CNTNAP2: variants seen among roughly 807,000 people sequenced by gnomAD.
CNTNAP2 encodes contactin associated protein 2.
Under a neutral mutation model 155.2 loss-of-function variants are expected in CNTNAP2, and 98 were observed. The ratio of observed to expected loss-of-function variants is 0.63; its 90% CI spans 0.54 to 0.75. The LOEUF is 0.75. Among genes scored for constraint, CNTNAP2 ranks in the 30% least tolerant of loss-of-function variants. The pLI, the probability that CNTNAP2 is intolerant of heterozygous loss-of-function variation, is 0.00. For synonymous variants in CNTNAP2, 651 were observed against 631.2 expected, an observed-to-expected ratio of 1.03 and a Z score of -0.47; for missense variants, 1,727 against 1,688.1, an observed-to-expected ratio of 1.02 and a Z score of -0.40.
intron 8 of CNTNAP2, among the ~76,000 whole-genome samples, chr7:147,241,843 T>C (rs1386341936): frequency 6.6e-6 from 1 of 152,074 alleles, no homozygotes; most frequent in African/African-American, 2.4e-5. Flanking sequence ...AGATAACAAA[T>C]GATGTTTTAG....
intron 1 of CNTNAP2, among the ~76,000 whole-genome samples, chr7:146,510,316 C>T (rs1006666461): frequency 1.3e-4 from 20 of 152,198 alleles, no homozygotes; most frequent in African/African-American, 3.4e-4. Flanking sequence ...CCTGCTGTGT[C>T]GTGCTGTACT....
chr7:148,332,855 T>G (rs1452371583), intron 21 of CNTNAP2, among the ~76,000 whole-genome samples: 6 of 152,108 alleles, frequency 3.9e-5, no homozygotes, highest in African/African-American at 1.4e-4. Flanking sequence ...ATGTAATCAT[T>G]TTACTATAAA....
intron 8 of CNTNAP2, among the ~76,000 whole-genome samples, chr7:147,192,536 T>C (rs1802701596): frequency 6.6e-6 from 1 of 152,088 alleles, no homozygotes; most frequent in South Asian, 2.1e-4. Flanking sequence ...CAGTCCAGTA[T>C]TCTGTGTTTT....
chr7:146,242,973 A>G (rs1246131989), intron 1 of CNTNAP2, among the ~76,000 whole-genome samples: 1 of 152,100 alleles, frequency 6.6e-6, no homozygotes, highest in Admixed American at 6.5e-5. Flanking sequence ...CTATTTAACA[A>G]TTTTGTGCTC....
chr7:147,022,735 A>G (rs1457488659), intron 3 of CNTNAP2, among the ~76,000 whole-genome samples: 1 of 152,144 alleles, frequency 6.6e-6, no homozygotes, highest in African/African-American at 2.4e-5. Flanking sequence ...AAATATTTAA[A>G]CTACTTTTAT....
At chr7:147,313,638 C>T (rs1353968638) in intron 9 of CNTNAP2, among the ~76,000 whole-genome samples, 4 of 151,718 alleles carry the variant, frequency 2.6e-5, no homozygotes, top group African/African-American at 9.7e-5. Flanking sequence ...GTTTTGGTAC[C>T]ATTACCATGC....
chr7:146,309,697 A>G (rs1160118517), intron 1 of CNTNAP2, among the ~76,000 whole-genome samples: 1 of 151,928 alleles, frequency 6.6e-6, no homozygotes, highest in Non-Finnish European at 1.5e-5. Flanking sequence ...AGCTACTCGG[A>G]GGATGAGGCA....
chr7:147,171,332 G>C (rs1802222183), intron 8 of CNTNAP2, among the ~76,000 whole-genome samples: 1 of 152,142 alleles, frequency 6.6e-6, no homozygotes, highest in South Asian at 2.1e-4. Flanking sequence ...AAATTACAGT[G>C]GTTTAGAGGT....
intron 21 of CNTNAP2, among the ~76,000 whole-genome samples, chr7:148,335,262 C>T (rs1798098612): frequency 6.6e-6 from 1 of 152,168 alleles, no homozygotes; most frequent in Non-Finnish European, 1.5e-5. Context: ...AATACCTCAA[C>T]TCATAAAGGG....
intron 1 of CNTNAP2, among the ~76,000 whole-genome samples, chr7:146,150,305 G>A (rs1460308452): frequency 1.3e-5 from 2 of 152,048 alleles, no homozygotes; most frequent in Non-Finnish European, 2.9e-5. Flanking sequence ...CTGCTGGTTG[G>A]AATGAAAAAT....
At chr7:147,856,162 T>A (rs932242706) in intron 13 of CNTNAP2, among the ~76,000 whole-genome samples, 1 of 151,928 alleles carries the variant, frequency 6.6e-6, no homozygotes, top group Middle Eastern at 3.4e-3. Context: ...CCCTGCTGCC[T>A]CCTGGAGCCC....
At chr7:146,819,235 A>G (rs1375996263) in intron 2 of CNTNAP2, among the ~76,000 whole-genome samples, 1 of 152,194 alleles carries the variant, frequency 6.6e-6, no homozygotes. Context: ...ATATTGGTGC[A>G]CATTATTTCC....
At chr7:146,777,595 G>A (rs1802412677) in intron 2 of CNTNAP2, among the ~76,000 whole-genome samples, 1 of 150,336 alleles carries the variant, frequency 6.7e-6, no homozygotes, top group African/African-American at 2.5e-5. Context: ...ACAGGGTCTT[G>A]CTCTGTTGCC....
At chr7:147,976,003 T>A (rs891553142) in intron 14 of CNTNAP2, among the ~76,000 whole-genome samples, 1 of 152,062 alleles carries the variant, frequency 6.6e-6, no homozygotes, top group Admixed American at 6.5e-5. Flanking sequence ...CCTCTGTAGT[T>A]GCATCATACA....
intron 12 of CNTNAP2, among the ~76,000 whole-genome samples, chr7:147,586,523 G>GAAGAGGAAGGAAGGAAGGAAGGA (rs772731379): frequency 9.5e-5 from 4 of 42,008 alleles, no homozygotes; most frequent in African/African-American, 5.8e-4. Flanking sequence ...AGAGAGAGAA[G>GAAGAGGAAGGAAGGAAGGAAGGA]AGGAAGGAAG....
intron 13 of CNTNAP2, among the ~76,000 whole-genome samples, chr7:147,869,739 T>TAA (rs140029663): frequency 6.6e-6 from 1 of 152,108 alleles, no homozygotes; most frequent in African/African-American, 2.4e-5. Context: ...CCTTGCTTGA[T>TAA]AAAAAAGCCT....
At chr7:147,512,738 C>A (rs571792723) in intron 11 of CNTNAP2, among the ~76,000 whole-genome samples, 69 of 152,188 alleles carry the variant, frequency 4.5e-4, no homozygotes, top group African/African-American at 1.6e-3. Flanking sequence ...GGCTTTTGGA[C>A]AACAATTCCA....
intron 1 of CNTNAP2, among the ~76,000 whole-genome samples, chr7:146,147,074 C>T (rs1446239188): frequency 2.6e-5 from 4 of 152,092 alleles, no homozygotes; most frequent in African/African-American, 9.7e-5. Flanking sequence ...GATGATAACC[C>T]GGAAGTGACC....
At chr7:148,043,118 C>T (rs1317483087) in intron 15 of CNTNAP2, among the ~76,000 whole-genome samples, 1 of 152,208 alleles carries the variant, frequency 6.6e-6, no homozygotes, top group Non-Finnish European at 1.5e-5. Flanking sequence ...GATACATATT[C>T]CATCAGCCTG....
Sources: allele counts gnomAD v4.1 joint callset (sites outside exome capture counted in the v4.1 genomes callset), GRCh38; gene constraint gnomAD v4.1.1; transcripts MANE v1.5; gene names NCBI Gene and HGNC (gene_info 2026-07-23, HGNC 2026-07-21).